STXBP4: variants seen among roughly 807,000 people sequenced by gnomAD.
The protein encoded by STXBP4 is syntaxin-binding protein 4.
In STXBP4, 55 loss-of-function variants were observed where a neutral mutation model predicts 76.1. The ratio of observed to expected loss-of-function variants is 0.72; its 90% CI spans 0.58 to 0.91. STXBP4 has a LOEUF of 0.91. Among genes scored for constraint, STXBP4 ranks in the 40% least tolerant of loss-of-function variants. STXBP4 has a pLI of 0.00. For synonymous variants in STXBP4, 201 were observed against 220.2 expected, an observed-to-expected ratio of 0.91 and a Z score of 0.77; for missense variants, 618 against 636.9, an observed-to-expected ratio of 0.97 and a Z score of 0.32.
Position 55,167,678 on chromosome 17 carries a change from A to G in STXBP4, c.*7767A>G, listed in dbSNP as rs1247845029. The G allele has an allele frequency of 6.6e-6, 1 of 152,238 alleles. No individual in the cohort carries two copies. The highest frequency in any genetic ancestry group is 1.5e-5 in the Non-Finnish European group (1 of 68,036). 9.4% of individuals were successfully genotyped at this position (152,238 alleles called of 1,614,324 possible). ...GTTAGTGCATTTCAGAGCAGCAGCAAACTTCTGTTCTTATGGGTTAATTAA... is the reference window on the plus strand; with the variant it reads ...GTTAGTGCATTTCAGAGCAGCAGCAGACTTCTGTTCTTATGGGTTAATTAA... On this transcript the variant is annotated 3_prime_UTR_variant, in exon 18 of 18. Transcript: ENST00000376352.
chr17:55,186,815 C>T, the STXBP4 span, among the ~76,000 whole-genome samples: 1 of 152,104 alleles, frequency 6.6e-6, no homozygotes, highest in Non-Finnish European at 1.5e-5. Context: ...AAATATCACT[C>T]CCTTTCTCAT....
At chr17:55,045,455 C>T (rs17818160) in intron 11 of STXBP4, among the ~76,000 whole-genome samples, 4 of 151,904 alleles carry the variant, frequency 2.6e-5, no homozygotes, top group Non-Finnish European at 5.9e-5. Flanking sequence ...TTCAGAGGCT[C>T]TCAGATCTTT....
At position 55,171,507 on chromosome 17, in the gene STXBP4, G is replaced by A. The variant is rs1234229497; in HGVS notation, c.*11596G>A. 1 of 152,170 alleles carries A rather than the reference G, an allele frequency of 6.6e-6. No homozygotes were observed. The highest frequency in any genetic ancestry group is 1.5e-5 in the Non-Finnish European group (1 of 68,036). The allele number at this position is 152,170 out of a possible 1,614,324, so 9.4% of individuals were successfully genotyped here. ...ATAATCTGTGAATTAACCTTCTGTA[G>A]CTTTTCCTTGCTGACCAGGGAATAC... On this transcript the variant is annotated 3_prime_UTR_variant, in exon 18 of 18. Transcript: ENST00000376352.
At chr17:55,012,019 G>A (rs752128188) in intron 8 of STXBP4, among the ~76,000 whole-genome samples, 8 of 152,120 alleles carry the variant, frequency 5.3e-5, no homozygotes, top group East Asian at 1.9e-4. Context: ...CCAGGGGTCC[G>A]CGGTAGATCT....
At position 55,141,326 on chromosome 17, in the gene STXBP4, G is replaced by T; in HGVS notation, c.1506G>T (p.Trp502Cys). 6.2e-7 allele frequency: 1 copy of T among 1,611,824 alleles called. No homozygotes were observed. The highest frequency in any genetic ancestry group is 8.5e-7 in the Non-Finnish European group (1 of 1,178,816). Residue 502 changes from tryptophan (W) to cysteine (C), a missense_variant, in exon 17 of 18, where the codon TGG becomes TGT. Trp to Cys is a radical substitution (Grantham distance 215, BLOSUM62 -2). Transcript: ENST00000376352. The part of the protein sequence containing the change: ...LLDMDCLPYG[W>C]EEAYTADGIK... Reference sequence around the variant, plus strand: ...TCACTGTAGGTTTACCTTATGGGTGGGAGGAAGCTTACACAGCAGATGGAA... The same window carrying T: ...TCACTGTAGGTTTACCTTATGGGTGTGAGGAAGCTTACACAGCAGATGGAA...
intron 17 of STXBP4, among the ~76,000 whole-genome samples, chr17:55,152,777 T>G (rs924477033): frequency 6.6e-6 from 1 of 152,172 alleles, no homozygotes; most frequent in Non-Finnish European, 1.5e-5. Context: ...CAATTCAAGA[T>G]GAGATTTGGG....
At chr17:55,090,025 C>G (rs545145677) in intron 16 of STXBP4, among the ~76,000 whole-genome samples, 11 of 152,186 alleles carry the variant, frequency 7.2e-5, no homozygotes, top group African/African-American at 2.4e-4. Flanking sequence ...ACCTGTTACT[C>G]CCACTGCTAA....
intron 12 of STXBP4, among the ~76,000 whole-genome samples, chr17:55,068,011 A>G (rs1427462140): frequency 6.6e-6 from 1 of 152,166 alleles, no homozygotes; most frequent in Non-Finnish European, 1.5e-5. Flanking sequence ...GGGGTGAGTT[A>G]TACCTTCATT....
In STXBP4 at chr17:55,062,799, C is replaced by A. The variant is rs147509692; in HGVS notation, c.1012-10101C>A. Among the ~76,000 whole-genome samples the A allele has an allele frequency of 3.2e-3, 481 of 152,174 alleles. 12 individuals are homozygous for A. The highest frequency in any genetic ancestry group is 0.025 in the East Asian group (130 of 5,170). ...TTTTAATGATCGCCATTCTAACTGG[C>A]GTGAGATGCTATCTCATTGTGGTTT... On this transcript the variant is annotated intron_variant, in intron 12 of 17. Transcript: ENST00000376352.
rs1373204837 is a variant in STXBP4, at chr17:55,125,795, A to T, written c.1490-15515A>T. Among the ~76,000 whole-genome samples, 3 of 152,150 alleles carry T rather than the reference A, an allele frequency of 2.0e-5. No individual in the cohort carries two copies. The East Asian group carries it at 5.8e-4, about 29-fold the overall frequency. The stretch of plus-strand genomic sequence containing the variant: ...TCACTCTACTCCAAACCCTAGCAGG[A>T]CACTTAGAGTGGTAAAACTGATAAC... On this transcript the variant is annotated intron_variant, in intron 16 of 17. Coordinates refer to ENST00000376352, the MANE Select transcript of STXBP4 (RefSeq NM_178509.6).
At chr17:55,192,857 T>C in the STXBP4 span, among the ~76,000 whole-genome samples, 3 of 152,168 alleles carry the variant, frequency 2.0e-5, no homozygotes, top group Non-Finnish European at 2.9e-5. Flanking sequence ...ATCTTTGTCT[T>C]ATATTGCTGA....
chr17:55,098,884 T>A (rs1310355024), intron 16 of STXBP4, among the ~76,000 whole-genome samples: 1 of 152,216 alleles, frequency 6.6e-6, no homozygotes, highest in East Asian at 1.9e-4. Flanking sequence ...TTGAACGTCT[T>A]CTTTACCACA....
intron 1 of STXBP4, among the ~76,000 whole-genome samples, chr17:54,978,780 A>G (rs1010805197): frequency 6.6e-6 from 1 of 152,212 alleles, no homozygotes; most frequent in Non-Finnish European, 1.5e-5. Flanking sequence ...AAATAAAAAT[A>G]ACAGTAAATA....
At chr17:55,187,335 T>C in the STXBP4 span, among the ~76,000 whole-genome samples, 1 of 152,100 alleles carries the variant, frequency 6.6e-6, no homozygotes, top group African/African-American at 2.4e-5. Flanking sequence ...AACTCTATTA[T>C]GCTGTTAGGA....
rs570210450 is a variant in STXBP4, at chr17:55,101,425, C to T, written c.1489+20242C>T. Among the ~76,000 whole-genome samples, 2 of 152,276 alleles carry T rather than the reference C, an allele frequency of 1.3e-5. 1 individual carries two copies. Among genetic ancestry groups the T allele is most frequent in the South Asian group, 4.1e-4 (2 of 4,826 alleles). Reference sequence around the variant, plus strand: ...GACACCAGCCTCCAGAACCAAACAGCAGCTGTTGTATTAGAAATACCACTA... The same window carrying T: ...GACACCAGCCTCCAGAACCAAACAGTAGCTGTTGTATTAGAAATACCACTA... On this transcript the variant is annotated intron_variant, in intron 16 of 17. Coordinates refer to ENST00000376352, the MANE Select transcript of STXBP4 (RefSeq NM_178509.6).
In STXBP4 at chr17:55,171,933, A is replaced by G. The variant is rs765243500; in HGVS notation, c.*12022A>G. The G allele has an allele frequency of 5.9e-5, 9 of 152,128 alleles. No homozygotes were observed. Among genetic ancestry groups the G allele is most frequent in the African/African-American group, 9.7e-5 (4 of 41,404 alleles). 9.4% of individuals were successfully genotyped at this position (152,128 alleles called of 1,614,324 possible). A position where few individuals can be genotyped will look rare whatever the true frequency, so the allele number is the denominator to read the frequency against. ...TCTTAGCAAACTAATACATCCCCCA[A>G]TCCAGAACTGTCCTCCTTTGGATAA... On this transcript the variant is annotated 3_prime_UTR_variant, in exon 18 of 18. Coordinates refer to ENST00000376352, the MANE Select transcript of STXBP4 (RefSeq NM_178509.6).
chr17:55,091,831 G>A (rs552945662), intron 16 of STXBP4, among the ~76,000 whole-genome samples: 8 of 152,150 alleles, frequency 5.3e-5, no homozygotes, highest in Non-Finnish European at 8.8e-5. Context: ...TTTGGTTCAC[G>A]CACAGAATTG....
chr17:55,106,772 C>T lies in STXBP4; in HGVS notation c.1489+25589C>T, dbSNP rs139928869. On this transcript the variant is annotated intron_variant, in intron 16 of 17. Transcript: ENST00000376352. The stretch of plus-strand genomic sequence containing the variant: ...TGGGTTGAAAATTCTTTTCTTTAAG[C>T]ATGTTGAATATTGGTCCCCACTCTC... 3.7e-4 allele frequency among the ~76,000 whole-genome samples: 56 copies of T among 152,226 alleles called. 1 individual carries two copies. The highest frequency in any genetic ancestry group is 2.4e-3 in the Admixed American group (36 of 15,288).
At chr17:55,088,503 C>T (rs1029585100) in intron 16 of STXBP4, among the ~76,000 whole-genome samples, 1 of 152,162 alleles carries the variant, frequency 6.6e-6, no homozygotes, top group South Asian at 2.1e-4. Context: ...TCAAGCAATT[C>T]TCCTTGCCTC....
Sources: gnomAD v4.1 joint callset for allele counts (sites outside exome capture counted in the v4.1 genomes callset) on GRCh38, gnomAD v4.1.1 for gene constraint, MANE v1.5 for transcripts, NCBI Gene and HGNC (gene_info 2026-07-23, HGNC 2026-07-21) for gene names.